The following PDE1A variants were observed in gnomAD, a reference collection of about 807,000 sequenced individuals.
PDE1A encodes phosphodiesterase 1A.
PDE1A carries 35 observed loss-of-function variants against 61.7 expected under a neutral mutation model. That is an observed-to-expected ratio of 0.57 (90% CI 0.43 to 0.75). PDE1A has a LOEUF of 0.75. Among genes scored for constraint, PDE1A ranks in the 30% least tolerant of loss-of-function variants. PDE1A has a pLI of 0.00. For synonymous variants in PDE1A, 232 were observed against 213.2 expected, an observed-to-expected ratio of 1.09 and a Z score of -0.77; for missense variants, 597 against 630.6, an observed-to-expected ratio of 0.95 and a Z score of 0.57.
chr2:182,411,854 T>G (rs1702634921), intron 1 of PDE1A, among the ~76,000 whole-genome samples: 1 of 151,858 alleles, frequency 6.6e-6, no homozygotes, highest in African/African-American at 2.4e-5. Context: ...GGTCAGGAGT[T>G]CAAGACCAGC....
intron 1 of PDE1A, among the ~76,000 whole-genome samples, chr2:182,403,523 C>T (rs1199349613): frequency 2.0e-5 from 3 of 148,806 alleles, no homozygotes; most frequent in African/African-American, 7.5e-5. Context: ...GGTGGGAACC[C>T]GGGAGGCGGA....
At chr2:182,647,023 C>A in the PDE1A span, among the ~76,000 whole-genome samples, 1 of 152,158 alleles carries the variant, frequency 6.6e-6, no homozygotes, top group Non-Finnish European at 1.5e-5. Flanking sequence ...GAGATTGGCA[C>A]GATGACTTTT....
At chr2:182,452,114 A>T (rs749752476) in intron 2 of PDE1A, among the ~76,000 whole-genome samples, 6 of 152,112 alleles carry the variant, frequency 3.9e-5, no homozygotes, top group Non-Finnish European at 7.4e-5. Context: ...TAAATTTTAA[A>T]AGTCCAGAAA....
chr2:182,417,096 C>T (rs771345977), intron 1 of PDE1A, among the ~76,000 whole-genome samples: 3 of 152,230 alleles, frequency 2.0e-5, no homozygotes, highest in Admixed American at 1.3e-4. Flanking sequence ...AACTGAGCCA[C>T]GCATCCCTTC....
chr2:182,509,993 T>C (rs1689681985), intron 2 of PDE1A, among the ~76,000 whole-genome samples: 1 of 152,212 alleles, frequency 6.6e-6, no homozygotes, highest in Non-Finnish European at 1.5e-5. Context: ...CTCAGGTTTC[T>C]TCTCCTGGAG....
the PDE1A span, among the ~76,000 whole-genome samples, chr2:182,658,246 A>G: frequency 3.9e-5 from 6 of 152,140 alleles, no homozygotes; most frequent in African/African-American, 1.4e-4. Context: ...GGCTCTACAT[A>G]TGAATCTCTT....
At chr2:182,577,950 AAGGAAG>A in the PDE1A span, among the ~76,000 whole-genome samples, 1 of 134,022 alleles carries the variant, frequency 7.5e-6, no homozygotes, top group African/African-American at 3.2e-5. Flanking sequence ...GGAAGGAAGG[AAGGAAG>A]GAAGGAAGGA....
intron 2 of PDE1A, among the ~76,000 whole-genome samples, chr2:182,473,371 C>T (rs1180339885): frequency 6.6e-6 from 1 of 151,860 alleles, no homozygotes; most frequent in African/African-American, 2.4e-5. Context: ...ATTTTCGCAA[C>T]CCACTCATCT....
chr2:182,358,246 C>G (rs1044176397), intron 1 of PDE1A, among the ~76,000 whole-genome samples: 2 of 152,090 alleles, frequency 1.3e-5, no homozygotes, highest in African/African-American at 4.8e-5. Flanking sequence ...ATCTTCCTTT[C>G]CATATTTATC....
At chr2:182,336,668 G>A (rs746155456) in intron 1 of PDE1A, among the ~76,000 whole-genome samples, 101 of 152,090 alleles carry the variant, frequency 6.6e-4, no homozygotes, top group Non-Finnish European at 6.6e-4. Context: ...ACCTAATGTA[G>A]ATGATGGGTT....
chr2:182,235,175 G>C (rs1463272925), intron 3 of PDE1A, among the ~76,000 whole-genome samples: 1 of 152,026 alleles, frequency 6.6e-6, no homozygotes, highest in South Asian at 2.1e-4. Context: ...ACAGAGTCTC[G>C]CTCTGTTGCC....
At chr2:182,295,055 A>ACCT (rs1694782590) in intron 1 of PDE1A, among the ~76,000 whole-genome samples, 1 of 76,776 alleles carries the variant, frequency 1.3e-5, no homozygotes, top group Non-Finnish European at 2.8e-5. Context: ...ATAAAAGGTA[A>ACCT]TCTTTTTTTT....
intron 2 of PDE1A, among the ~76,000 whole-genome samples, chr2:182,455,475 C>G (rs898932963): frequency 2.0e-5 from 3 of 152,100 alleles, no homozygotes; most frequent in Non-Finnish European, 4.4e-5. Flanking sequence ...TATTGCGGCA[C>G]TATTCACAAT....
At chr2:182,198,329 T>C (rs1163131732) in intron 10 of PDE1A, among the ~76,000 whole-genome samples, 1 of 151,904 alleles carries the variant, frequency 6.6e-6, no homozygotes, top group Non-Finnish European at 1.5e-5. Flanking sequence ...AACAGTTTTA[T>C]TTATTTTTAT....
chr2:182,348,590 A>G (rs1196094503), intron 1 of PDE1A, among the ~76,000 whole-genome samples: 2 of 152,082 alleles, frequency 1.3e-5, no homozygotes, highest in African/African-American at 4.8e-5. Context: ...AATAAGTGTC[A>G]CATCTATACA....
chr2:182,289,045 G>A (rs1354216614), intron 1 of PDE1A, among the ~76,000 whole-genome samples: 2 of 149,046 alleles, frequency 1.3e-5, no homozygotes, highest in Non-Finnish European at 3.0e-5. Flanking sequence ...TCCTCACCTT[G>A]CTACTTCTGG....
intron 1 of PDE1A, among the ~76,000 whole-genome samples, chr2:182,407,355 T>C (rs541607992): frequency 7.2e-5 from 11 of 152,138 alleles, no homozygotes; most frequent in Non-Finnish European, 7.4e-5. Flanking sequence ...AGTTTTTGCA[T>C]TCTTTCCTTC....
the PDE1A span, among the ~76,000 whole-genome samples, chr2:182,570,283 AG>A: frequency 2.0e-5 from 3 of 152,206 alleles, no homozygotes; most frequent in Non-Finnish European, 4.4e-5. Flanking sequence ...GCAGACTGTA[AG>A]AACCTACTTT....
chr2:182,228,923 CTA>C (rs1173537402), intron 6 of PDE1A, among the ~76,000 whole-genome samples: 1 of 152,136 alleles, frequency 6.6e-6, no homozygotes, highest in Non-Finnish European at 1.5e-5. Context: ...CAGAAAGTGA[CTA>C]TGTGATCTTT....
Sources: gnomAD v4.1 joint callset for allele counts (sites outside exome capture counted in the v4.1 genomes callset) on GRCh38, gnomAD v4.1.1 for gene constraint, MANE v1.5 for transcripts, NCBI Gene and HGNC (gene_info 2026-07-23, HGNC 2026-07-21) for gene names.